The following PPP3CA variants were observed in gnomAD, a reference collection of about 807,000 sequenced individuals.
The protein encoded by PPP3CA is protein phosphatase 3 catalytic subunit alpha, also known as CAM-PRP catalytic subunit.
Under a neutral mutation model 66.5 loss-of-function variants are expected in PPP3CA, and 14 were observed. The observed-to-expected ratio is 0.21, with a 90% confidence interval of 0.14 to 0.33. PPP3CA has a LOEUF of 0.33. PPP3CA is among the 10% of genes least tolerant of loss of function. The pLI is 1.00. For missense variants in PPP3CA, 317 were observed against 639.5 expected (o/e 0.50, Z 5.44); for synonymous variants, 232 against 226.2 (o/e 1.03, Z -0.23).
chr4:101,085,508 C>A (rs1729625332), intron 6 of PPP3CA, among the ~76,000 whole-genome samples: 1 of 152,138 alleles, frequency 6.6e-6, no homozygotes, highest in Admixed American at 6.5e-5. Flanking sequence ...AATCAAGTGC[C>A]AATTTGCTAG....
chr4:101,269,179 C>T (rs1415030273), intron 1 of PPP3CA, among the ~76,000 whole-genome samples: 3 of 152,070 alleles, frequency 2.0e-5, no homozygotes, highest in Non-Finnish European at 4.4e-5. Context: ...ATAAATCTTG[C>T]CAGACTTAAC....
intron 8 of PPP3CA, 80 bp downstream of exon 8, chr4:101,080,452 A>T: frequency 1.3e-6 from 1 of 746,054 alleles, no homozygotes; most frequent in Non-Finnish European, 1.9e-6. Context: ...TAAAATACTT[A>T]AGACCAAACC....
chr4:101,144,956 C>CAT (rs1193366256), intron 2 of PPP3CA, among the ~76,000 whole-genome samples: 4 of 152,110 alleles, frequency 2.6e-5, no homozygotes, highest in Non-Finnish European at 4.4e-5. Context: ...CCATTATAAA[C>CAT]ATATATGAAT....
chr4:101,124,667 A>C lies in PPP3CA; in HGVS notation c.260-15589T>G, dbSNP rs572359338. 4.7e-3 allele frequency among the ~76,000 whole-genome samples: 170 copies of C among 36,462 alleles called. 1 individual carries two copies. Among genetic ancestry groups the C allele is most frequent in the African/African-American group, 0.02 (154 of 7,600 alleles). The allele number at this position is 36,462 out of a possible 152,430, so 23.9% of individuals were successfully genotyped here. A position where few individuals can be genotyped will look rare whatever the true frequency, so the allele number is the denominator to read the frequency against. On this transcript the variant is annotated intron_variant, in intron 2 of 13. Coordinates refer to ENST00000394854, the MANE Select transcript of PPP3CA (RefSeq NM_000944.5). ...AGAAAGAGAGGGAGAGAGAGACAGAAAGAAAGAAAGAAAGAAAGAAAGAAA... is the reference window on the plus strand; with the variant it reads ...AGAAAGAGAGGGAGAGAGAGACAGACAGAAAGAAAGAAAGAAAGAAAGAAA...
intron 2 of PPP3CA, among the ~76,000 whole-genome samples, chr4:101,150,514 T>C (rs17829885): frequency 0.097 from 14,756 of 152,290 alleles, 937 homozygotes; most frequent in Non-Finnish European, 0.14. Context: ...GAACATGTAT[T>C]AAACTGCTTT....
intron 1 of PPP3CA, among the ~76,000 whole-genome samples, chr4:101,286,455 A>G (rs1334905642): frequency 6.6e-6 from 1 of 152,256 alleles, no homozygotes; most frequent in Non-Finnish European, 1.5e-5. Context: ...TAGGTCATAA[A>G]GTTTTGCACC....
chr4:101,299,931 A>G (rs953298552), intron 1 of PPP3CA, among the ~76,000 whole-genome samples: 3 of 152,154 alleles, frequency 2.0e-5, no homozygotes, highest in African/African-American at 7.2e-5. Flanking sequence ...TTGAATGTGT[A>G]CCCAGCTTCA....
intron 3 of PPP3CA, 102 bp downstream of exon 3, chr4:101,108,852 T>C (rs1721539673): frequency 7.1e-6 from 8 of 1,131,108 alleles, no homozygotes; most frequent in Non-Finnish European, 7.6e-6. Context: ...TTAAATTTCA[T>C]TGTTAGAGGT....
intron 2 of PPP3CA, among the ~76,000 whole-genome samples, chr4:101,146,010 T>C (rs1722957519): frequency 6.6e-6 from 1 of 152,204 alleles, no homozygotes; most frequent in Non-Finnish European, 1.5e-5. Flanking sequence ...TTCACAGATA[T>C]TTTCAAAGTA....
chr4:101,229,638 A>G (rs1725896283), intron 1 of PPP3CA, among the ~76,000 whole-genome samples: 1 of 151,646 alleles, frequency 6.6e-6, no homozygotes, highest in South Asian at 2.1e-4. Context: ...AAAATGAATC[A>G]AAAGGCAGCA....
intron 1 of PPP3CA, among the ~76,000 whole-genome samples, chr4:101,345,770 T>C (rs562018910): frequency 2.0e-5 from 3 of 152,154 alleles, no homozygotes; most frequent in African/African-American, 7.2e-5. Context: ...GCAACCTCAG[T>C]GCATCCTTGC....
intron 2 of PPP3CA, among the ~76,000 whole-genome samples, chr4:101,116,058 T>C (rs1369526475): frequency 2.6e-5 from 4 of 152,156 alleles, no homozygotes; most frequent in African/African-American, 7.2e-5. Flanking sequence ...CTCTTAATTC[T>C]TGACTCATTA....
chr4:101,206,074 C>T (rs756744602), intron 1 of PPP3CA, among the ~76,000 whole-genome samples: 3 of 152,198 alleles, frequency 2.0e-5, no homozygotes, highest in Admixed American at 1.3e-4. Flanking sequence ...GGTCTTTCCA[C>T]GTTTCAGTAA....
chr4:101,260,967 G>C (rs1208835540), intron 1 of PPP3CA, among the ~76,000 whole-genome samples: 2 of 152,082 alleles, frequency 1.3e-5, no homozygotes, highest in Non-Finnish European at 2.9e-5. Flanking sequence ...AGGGGTTAGA[G>C]GTATCATTTT....
chr4:101,106,453 G>GAAAGAAAGAAAGAAGAGAAAAGAAA lies in PPP3CA; in HGVS notation c.384+2500_384+2501insTTTCTTTTCTCTTCTTTCTTTCTTT, dbSNP rs775018059. ...AGAAAGAAAGAAAGAAAGAAAGAAA[G>GAAAGAAAGAAAGAAGAGAAAAGAAA]AGAAAAGAAAAGAAAAGAAAAGAAA... On this transcript the variant is annotated intron_variant, in intron 3 of 13. Coordinates refer to ENST00000394854, the MANE Select transcript of PPP3CA (RefSeq NM_000944.5). 1.7e-4 allele frequency among the ~76,000 whole-genome samples: 6 copies of GAAAGAAAGAAAGAAGAGAAAAGAAA among 35,510 alleles called. 1 individual carries two copies. The highest frequency in any genetic ancestry group is 2.1e-4 in the Non-Finnish European group (4 of 19,014). 23.3% of individuals were successfully genotyped at this position (35,510 alleles called of 152,430 possible).
At chr4:101,133,909 T>C (rs112605938) in intron 2 of PPP3CA, among the ~76,000 whole-genome samples, 1 of 152,122 alleles carries the variant, frequency 6.6e-6, no homozygotes, top group Non-Finnish European at 1.5e-5. Context: ...TATAGACCAA[T>C]GGAACAGAAC....
At chr4:101,317,559 C>T (rs1728920095) in intron 1 of PPP3CA, among the ~76,000 whole-genome samples, 1 of 151,968 alleles carries the variant, frequency 6.6e-6, no homozygotes, top group Non-Finnish European at 1.5e-5. Flanking sequence ...TTAAGAGGCT[C>T]GAAATTAAAC....
intron 1 of PPP3CA, among the ~76,000 whole-genome samples, chr4:101,325,556 T>C (rs1348499952): frequency 6.6e-6 from 1 of 152,136 alleles, no homozygotes; most frequent in Admixed American, 6.5e-5. Flanking sequence ...ACTAAATGAG[T>C]TAATATGCAT....
chr4:101,280,346 G>A (rs778724502), intron 1 of PPP3CA, among the ~76,000 whole-genome samples: 1 of 152,178 alleles, frequency 6.6e-6, no homozygotes, highest in Middle Eastern at 3.2e-3. Flanking sequence ...CTTGAGCTGT[G>A]AATCTGTTTT....
Sources: allele counts gnomAD v4.1 joint callset (sites outside exome capture counted in the v4.1 genomes callset), GRCh38; gene constraint gnomAD v4.1.1; transcripts MANE v1.5; gene names NCBI Gene and HGNC (gene_info 2026-07-23, HGNC 2026-07-21).